TBC1D8: variants seen among roughly 807,000 people sequenced by gnomAD.
TBC1D8 encodes the protein TBC1 domain family member 8, also known as BUB2-like protein 1.
A neutral mutation model predicts 118.8 loss-of-function variants in TBC1D8; 65 were observed. That is an observed-to-expected ratio of 0.55 (90% CI 0.45 to 0.67). TBC1D8 has a LOEUF of 0.67. TBC1D8 is among the 30% of genes least tolerant of loss of function. The pLI is 0.00. For missense variants in TBC1D8, 1,376 were observed against 1,471.2 expected (o/e 0.94, Z 1.06); for synonymous variants, 566 against 595.8 (o/e 0.95, Z 0.73).
intron 6 of TBC1D8, among the ~76,000 whole-genome samples, chr2:101,039,238 A>G (rs1251216734): frequency 6.6e-6 from 1 of 152,206 alleles, no homozygotes; most frequent in Non-Finnish European, 1.5e-5. Context: ...CACATTACCA[A>G]AAAAAATTTT....
rs1558962444 is a variant in TBC1D8 at position 101,008,288 on chromosome 2, AG to A, written c.3016-16del. 2 of 1,504,060 alleles carry A rather than the reference AG, an allele frequency of 1.3e-6. No individual in the cohort carries two copies. Among genetic ancestry groups the A allele is most frequent in the South Asian group, 2.8e-5 (2 of 72,234 alleles). 93.2% of individuals were successfully genotyped at this position (1,504,060 alleles called of 1,614,324 possible). On this transcript the variant is annotated splice_polypyrimidine_tract_variant and intron_variant, in intron 19 of 19. Transcript: ENST00000409318. ...ATAAATTCTCTCTGAAATTGAAATA[AG>A]TCTTAGGTAGCAGCAGAACCAGGGT...
At chr2:101,134,990 AGT>A (rs1473879138) in intron 1 of TBC1D8, among the ~76,000 whole-genome samples, 1 of 152,082 alleles carries the variant, frequency 6.6e-6, no homozygotes. Flanking sequence ...TGGCCAACAT[AGT>A]GAAACCCCGT....
chr2:101,142,376 C>G (rs1013864772), intron 1 of TBC1D8, among the ~76,000 whole-genome samples: 9 of 152,186 alleles, frequency 5.9e-5, no homozygotes, highest in Non-Finnish European at 1.3e-4. Flanking sequence ...GTTACTGCAG[C>G]ATAACCTAAC....
At chr2:101,151,085 C>A in intron 1 of TBC1D8, 42 bp downstream of exon 1, 1 of 900,092 alleles carries the variant, frequency 1.1e-6, no homozygotes, top group Non-Finnish European at 1.3e-6. Flanking sequence ...GGGTGCGAGG[C>A]CCCGGGCCCG....
At position 101,047,367 on chromosome 2, in the gene TBC1D8, C is replaced by A. The variant is rs578025364; in HGVS notation, c.872+3034G>T. The stretch of plus-strand genomic sequence containing the variant: ...AATTGGCAATCTGAGGCTCACCCGG[C>A]TCGTGACCCCAAGGGCACCTTTCTG... On this transcript the variant is annotated intron_variant, in intron 5 of 19. Coordinates refer to ENST00000409318, the MANE Select transcript of TBC1D8 (RefSeq NM_001330348.2). 7.2e-5 allele frequency among the ~76,000 whole-genome samples: 11 copies of A among 152,316 alleles called. No homozygotes were observed. In the East Asian group the frequency reaches 2.1e-3, roughly 29 times the overall value.
chr2:101,020,306 A>G (rs1679954202), intron 17 of TBC1D8, among the ~76,000 whole-genome samples: 1 of 151,240 alleles, frequency 6.6e-6, no homozygotes, highest in Non-Finnish European at 1.5e-5. Context: ...CCAGATATAG[A>G]TAATGACAAC....
At chr2:101,104,317 C>T (rs574155947) in intron 1 of TBC1D8, among the ~76,000 whole-genome samples, 2 of 152,152 alleles carry the variant, frequency 1.3e-5, no homozygotes, top group South Asian at 2.1e-4. Flanking sequence ...CAACGCAATC[C>T]CAATAAAAAT....
At chr2:101,122,067 T>G (rs1217894056) in intron 1 of TBC1D8, among the ~76,000 whole-genome samples, 1 of 144,082 alleles carries the variant, frequency 6.9e-6, no homozygotes, top group Non-Finnish European at 1.5e-5. Flanking sequence ...CTCCATTTCT[T>G]TTTCTTTTTT....
chr2:101,007,990 A>T lies in TBC1D8; in HGVS notation c.3299T>A (p.Leu1100His). 1 of 1,614,034 alleles carries T rather than the reference A, an allele frequency of 6.2e-7. No homozygotes were observed. The change falls in exon 20 of 20, where the codon CTT (leucine) becomes CAT (histidine). Residue 1100 changes from leucine to histidine, a missense_variant. Coordinates refer to ENST00000409318, the MANE Select transcript of TBC1D8 (RefSeq NM_001330348.2). ...EAAERDWTVSLEHILASLLTE... is the reference protein window; with the variant it reads ...EAAERDWTVSHEHILASLLTE... ...CAGAAGTGAAGCTAAAATATGTTCA[A>T]GGGAGACAGTCCAGTCCCTTTCTGC...
chr2:101,103,414 CAG>C (rs2105471499), intron 1 of TBC1D8, among the ~76,000 whole-genome samples: 1 of 136,660 alleles, frequency 7.3e-6, no homozygotes, highest in East Asian at 2.2e-4. Flanking sequence ...TTTTTTGAGA[CAG>C]AGTCTCACTC....
intron 17 of TBC1D8, among the ~76,000 whole-genome samples, chr2:101,017,597 C>T (rs1177471229): frequency 6.6e-6 from 1 of 152,148 alleles, no homozygotes; most frequent in Non-Finnish European, 1.5e-5. Context: ...TTTATCAGTA[C>T]CTACCATCTA....
At chr2:101,043,277 C>T (rs142088766) in intron 5 of TBC1D8, among the ~76,000 whole-genome samples, 83 of 152,304 alleles carry the variant, frequency 5.4e-4, no homozygotes, top group African/African-American at 1.9e-3. Flanking sequence ...CCAGTTCATA[C>T]ACCGCAAGAA....
Position 101,151,216 on chromosome 2 carries a change from G to A in TBC1D8, c.38C>T (p.Ala13Val). 8.0e-7 allele frequency: 1 copy of A among 1,253,000 alleles called. No individual in the cohort carries two copies. The highest frequency in any genetic ancestry group is 2.0e-5 in the South Asian group (1 of 49,408). The allele number at this position is 1,253,000 out of a possible 1,614,324, so 77.6% of individuals were successfully genotyped here. A position where few individuals can be genotyped will look rare whatever the true frequency, so the allele number is the denominator to read the frequency against. Residue 13 changes from alanine to valine, a missense_variant, in exon 1 of 20, where the codon GCG becomes GTG. By Grantham distance (64) the Ala-to-Val change is moderately conservative. Coordinates refer to ENST00000409318, the MANE Select transcript of TBC1D8 (RefSeq NM_001330348.2). ...CTTCTGGGTCACCCAGAGCTTCAGC[G>A]CGTTCTTCAGCAGCACCTCCTCGGG... Reference protein sequence around the residue: ...LKPEEVLLKNALKLWVTQKSS... With the variant: ...LKPEEVLLKNVLKLWVTQKSS...
intron 1 of TBC1D8, among the ~76,000 whole-genome samples, chr2:101,129,598 T>C (rs954311362): frequency 6.6e-6 from 1 of 152,044 alleles, no homozygotes; most frequent in Non-Finnish European, 1.5e-5. Context: ...TTTCAGGGGT[T>C]TCTAGATTTG....
At chr2:101,146,287 T>G (rs1260953688) in intron 1 of TBC1D8, among the ~76,000 whole-genome samples, 1 of 152,216 alleles carries the variant, frequency 6.6e-6, no homozygotes, top group Non-Finnish European at 1.5e-5. Flanking sequence ...CTCCAAAGGT[T>G]GTATTTTACA....
At chr2:101,080,262 C>T (rs907180103) in intron 2 of TBC1D8, among the ~76,000 whole-genome samples, 2 of 152,140 alleles carry the variant, frequency 1.3e-5, no homozygotes, top group African/African-American at 4.8e-5. Flanking sequence ...CAACTCGCAT[C>T]GCCTGACCTC....
At chr2:101,141,876 A>G (rs1033481494) in intron 1 of TBC1D8, among the ~76,000 whole-genome samples, 4 of 152,148 alleles carry the variant, frequency 2.6e-5, no homozygotes, top group Non-Finnish European at 5.9e-5. Flanking sequence ...AACAAAAAAA[A>G]TGAGCAAAAG....
At chr2:101,012,207 A>G (rs1201487601) in intron 17 of TBC1D8, among the ~76,000 whole-genome samples, 1 of 152,260 alleles carries the variant, frequency 6.6e-6, no homozygotes, top group Non-Finnish European at 1.5e-5. Flanking sequence ...TCACTTCTAC[A>G]TATACACCCA....
intron 2 of TBC1D8, among the ~76,000 whole-genome samples, chr2:101,084,935 G>A (rs1036130998): frequency 4.1e-5 from 6 of 146,940 alleles, no homozygotes; most frequent in Admixed American, 2.1e-4. Flanking sequence ...TGCAAGCTCC[G>A]CCTCCTGGGT....
Sources: gnomAD v4.1 joint callset for allele counts (sites outside exome capture counted in the v4.1 genomes callset) on GRCh38, gnomAD v4.1.1 for gene constraint, MANE v1.5 for transcripts, NCBI Gene and HGNC (gene_info 2026-07-23, HGNC 2026-07-21) for gene names.